Variants in MORC3 observed in about 807,000 individuals in gnomAD.
MORC3 encodes the protein MORC family CW-type zinc finger 3, also known as MORC family CW-type zinc finger protein 3.
MORC3 carries 31 observed loss-of-function variants against 109.1 expected under a neutral mutation model. The observed-to-expected ratio is 0.28, with a 90% CI of 0.21 to 0.38. MORC3 has a LOEUF of 0.38. MORC3 is among the 10% of genes least tolerant of loss of function. MORC3 has a pLI of 1.00. For synonymous variants in MORC3, 395 were observed against 380.7 expected (o/e 1.04, Z -0.44); for missense variants, 867 against 1,135.8 (o/e 0.76, Z 3.40).
intron 9 of MORC3, among the ~76,000 whole-genome samples, chr21:36,354,030 C>T (rs1322459262): frequency 6.6e-6 from 1 of 151,254 alleles, no homozygotes; most frequent in Non-Finnish European, 1.5e-5. Context: ...TAAGTCACGC[C>T]ATTGCACCCT....
intron 2 of MORC3, among the ~76,000 whole-genome samples, chr21:36,334,848 G>T (rs2085356802): frequency 6.6e-6 from 1 of 152,030 alleles, no homozygotes; most frequent in Non-Finnish European, 1.5e-5. Flanking sequence ...TCATGCATAG[G>T]CTGGGCACAC....
At chr21:36,333,781 T>C in intron 2 of MORC3, 63 bp downstream of exon 2, 1 of 1,346,450 alleles carries the variant, frequency 7.4e-7, no homozygotes, top group South Asian at 1.3e-5. Flanking sequence ...TTTTTTTTGT[T>C]TTGTTTTGTT....
At chr21:36,333,091 A>G (rs1465527232) in intron 1 of MORC3, among the ~76,000 whole-genome samples, 1 of 152,156 alleles carries the variant, frequency 6.6e-6, no homozygotes, top group East Asian at 1.9e-4. Flanking sequence ...CCGGCCAACA[A>G]TTGTAACTCT....
chr21:36,339,521 GA>G, intron 5 of MORC3: 1 of 105,140 alleles, frequency 9.5e-6, no homozygotes, highest in African/African-American at 3.5e-5. Flanking sequence ...AAAAAAAAAA[GA>G]AAAAAGAAAA....
At chr21:36,333,140 T>A (rs537141389) in intron 1 of MORC3, among the ~76,000 whole-genome samples, 92 of 152,302 alleles carry the variant, frequency 6.0e-4, no homozygotes, top group African/African-American at 2.1e-3. Flanking sequence ...TGTATACTAC[T>A]ACACTGCTAC....
intron 9 of MORC3, among the ~76,000 whole-genome samples, chr21:36,355,046 T>C (rs562101564): frequency 6.6e-6 from 1 of 152,386 alleles, no homozygotes; most frequent in South Asian, 2.1e-4. Flanking sequence ...TTGAGCTTGA[T>C]TTCTTTCACA....
intron 13 of MORC3, among the ~76,000 whole-genome samples, chr21:36,363,119 C>G (rs544178970): frequency 6.6e-6 from 1 of 152,196 alleles, no homozygotes; most frequent in East Asian, 1.9e-4. Context: ...CTGATAAGCC[C>G]ATTATAAGTT....
chr21:36,324,569 G>T (rs141673784), intron 1 of MORC3, among the ~76,000 whole-genome samples: 1 of 151,982 alleles, frequency 6.6e-6, no homozygotes, highest in Non-Finnish European at 1.5e-5. Flanking sequence ...GAGCCACCAT[G>T]CCTGGCCTAA....
At chr21:36,345,319 A>G (rs1745432462) in intron 8 of MORC3, among the ~76,000 whole-genome samples, 2 of 149,924 alleles carry the variant, frequency 1.3e-5, no homozygotes, top group Non-Finnish European at 3.0e-5. Flanking sequence ...AATCTTGGCT[A>G]AACTCACTGC....
At chr21:36,363,496 GC>G (rs372687981) in intron 13 of MORC3, among the ~76,000 whole-genome samples, 111 of 152,270 alleles carry the variant, frequency 7.3e-4, no homozygotes, top group African/African-American at 2.4e-3. Flanking sequence ...GCTTCGCCTA[GC>G]CTACCTTAAT....
chr21:36,352,393 AG>A (rs944157860), intron 9 of MORC3, among the ~76,000 whole-genome samples: 4 of 79,112 alleles, frequency 5.1e-5, no homozygotes, highest in African/African-American at 1.6e-4. Context: ...GCCAAAAAAA[AG>A]GGGTGGGGGG....
rs979060220 is a variant in MORC3 at position 36,374,130 on chromosome 21, C to T, written c.2667-1013C>T. Among the ~76,000 whole-genome samples the T allele has an allele frequency of 3.9e-5, 6 of 152,022 alleles. No homozygotes were observed. The East Asian group carries it at 1.2e-3, about 29-fold the overall frequency. On this transcript the variant is annotated intron_variant, in intron 16 of 16. Transcript: ENST00000400485. The stretch of plus-strand genomic sequence containing the variant: ...TTGGAGACAGAGTCTTGATCTGATG[C>T]CCAGGCTGGAGTACAGTTGCATAAT...
intron 10 of MORC3, among the ~76,000 whole-genome samples, chr21:36,359,383 A>G (rs146199912): frequency 0.025 from 3,773 of 151,868 alleles, 66 homozygotes; most frequent in Admixed American, 0.046. Flanking sequence ...CGATTCTCCA[A>G]CCTCAGCCTC....
intron 8 of MORC3, chr21:36,347,961 C>T (rs1297340984): frequency 6.6e-6 from 1 of 152,120 alleles, no homozygotes; most frequent in South Asian, 2.1e-4. Flanking sequence ...TAAAAATAGT[C>T]TGAAATGGTG....
intron 6 of MORC3, among the ~76,000 whole-genome samples, chr21:36,341,881 T>C (rs577364431): frequency 2.4e-4 from 37 of 152,298 alleles, no homozygotes; most frequent in Non-Finnish European, 4.9e-4. Flanking sequence ...TATTAGTCAG[T>C]ATATGGTGGC....
chr21:36,328,468 A>C (rs1461957177), intron 1 of MORC3, among the ~76,000 whole-genome samples: 4 of 149,150 alleles, frequency 2.7e-5, no homozygotes, highest in African/African-American at 7.4e-5. Context: ...CAGCCTCCCC[A>C]GTAGCTGGGA....
chr21:36,352,422 A>G (rs2146318282), intron 9 of MORC3, among the ~76,000 whole-genome samples: 1 of 152,240 alleles, frequency 6.6e-6, no homozygotes, highest in East Asian at 1.9e-4. Context: ...TTGAAAAGGA[A>G]GACATAAAGC....
chr21:36,366,052 T>G (rs1423287404), intron 14 of MORC3, among the ~76,000 whole-genome samples: 1 of 152,220 alleles, frequency 6.6e-6, no homozygotes, highest in African/African-American at 2.4e-5. Flanking sequence ...TTTTAACTTT[T>G]AGATTCAGGG....
rs78183842 is a variant in MORC3, at chr21:36,362,168, A to G, written c.1407-15A>G. 40,483 of 1,612,398 alleles carry G rather than the reference A, an allele frequency of 0.025. 668 individuals carry two copies. Among genetic ancestry groups the G allele is most frequent in the Admixed American group, 0.067 (4,029 of 59,768 alleles). ...ATTGAGAAATAACAACATGTTTTTC[A>G]TCTTTATTTTAAAGCAACAAGGAAA... On this transcript the variant is annotated splice_polypyrimidine_tract_variant and intron_variant, in intron 12 of 16. Transcript: ENST00000400485.
Sources: allele counts gnomAD v4.1 joint callset (sites outside exome capture counted in the v4.1 genomes callset), GRCh38; gene constraint gnomAD v4.1.1; transcripts MANE v1.5; gene names NCBI Gene and HGNC (gene_info 2026-07-23, HGNC 2026-07-21).